SLC39A12: variants seen among roughly 807,000 people sequenced by gnomAD.
SLC39A12 encodes zinc transporter ZIP12.
Under a neutral mutation model 71.1 loss-of-function variants are expected in SLC39A12, and 63 were observed. The observed-to-expected ratio is 0.89, with a 90% CI of 0.72 to 1.09. The LOEUF is 1.09. Ranked by LOEUF, SLC39A12 falls within the 50% of genes least tolerant of loss-of-function variation. The probability of loss-of-function intolerance (pLI) is 0.00; values close to 1 mark genes in which losing one functional copy is unlikely to be tolerated. For missense variants in SLC39A12, 892 were observed against 812.6 expected, an observed-to-expected ratio of 1.10 and a Z score of -1.19; for synonymous variants, 351 against 301.3, an observed-to-expected ratio of 1.16 and a Z score of -1.71.
chr10:17,966,657 A>T (rs1409625814), intron 4 of SLC39A12, among the ~76,000 whole-genome samples: 1 of 151,988 alleles, frequency 6.6e-6, no homozygotes. Context: ...TAAAAAATTG[A>T]TAACGATTCC....
chr10:18,003,505 C>T (rs1239434212), intron 12 of SLC39A12, 147 bp downstream of exon 12: 6 of 646,074 alleles, frequency 9.3e-6, no homozygotes, highest in Non-Finnish European at 1.4e-5. Flanking sequence ...CTTTGTACTC[C>T]AAGAAAGTGC....
intron 12 of SLC39A12, among the ~76,000 whole-genome samples, chr10:18,035,224 A>G (rs546487356): frequency 2.5e-4 from 36 of 146,874 alleles, no homozygotes; most frequent in Non-Finnish European, 4.6e-4. Flanking sequence ...GTTCTCCTGG[A>G]TAATATCCTG....
In SLC39A12 at chr10:17,987,650, A is replaced by G. The variant is rs781022311; in HGVS notation, c.1268A>G (p.Gln423Arg). The change falls in exon 7 of 13, where the codon CAG becomes CGG. Residue 423 changes from glutamine to arginine, a missense_variant and splice_region_variant. By Grantham distance (43) the Gln-to-Arg change is conservative. Coordinates refer to ENST00000377369, the MANE Select transcript of SLC39A12 (RefSeq NM_001145195.2). ...SGDALLHLIPQVLGLHKQEAP... is the reference protein window; with the variant it reads ...SGDALLHLIPRVLGLHKQEAP... Reference sequence around the variant, plus strand: ...GACGCTCTGCTCCACCTTATCCCTCAGGTAATCTGGTCTTTTCCATTTCAG... The same window carrying G: ...GACGCTCTGCTCCACCTTATCCCTCGGGTAATCTGGTCTTTTCCATTTCAG... The G allele has an allele frequency of 4.3e-6, 7 of 1,613,968 alleles. No homozygotes were observed. The highest frequency in any genetic ancestry group is 1.6e-4 in the Middle Eastern group (1 of 6,082).
At chr10:18,030,048 T>A (rs1179914274) in intron 12 of SLC39A12, among the ~76,000 whole-genome samples, 1 of 150,704 alleles carries the variant, frequency 6.6e-6, no homozygotes, top group Admixed American at 6.6e-5. Context: ...CATATGTTCA[T>A]CCATAATCAT....
intron 10 of SLC39A12, 77 bp from the exon 11 acceptor site, chr10:18,000,590 G>T (rs1223621120): frequency 1.2e-5 from 17 of 1,373,904 alleles, no homozygotes; most frequent in Admixed American, 1.8e-5. Context: ...AGGTGGGAAG[G>T]TTGGTTGGTT....
At position 17,997,032 on chromosome 10, in the gene SLC39A12, A is replaced by AAAAG. The variant is rs1554852100; in HGVS notation, c.1600+1313_1600+1314insGAAA. Among the ~76,000 whole-genome samples, 8 of 151,608 alleles carry AAAAG rather than the reference A, an allele frequency of 5.3e-5. No individual in the cohort carries two copies. The South Asian group carries it at 8.3e-4, about 16-fold the overall frequency. On this transcript the variant is annotated intron_variant, in intron 10 of 12. Coordinates refer to ENST00000377369, the MANE Select transcript of SLC39A12 (RefSeq NM_001145195.2). ...AGTGAGACTCCGTCTCAAAAAAAAA[A>AAAAG]AAAAAGAAAAAGAAAAAAGAAAAAG...
intron 2 of SLC39A12, among the ~76,000 whole-genome samples, chr10:17,957,319 T>A (rs1834576324): frequency 6.6e-6 from 1 of 152,148 alleles, no homozygotes. Flanking sequence ...GGACAATTAC[T>A]ACCAAGTGTC....
intron 4 of SLC39A12, among the ~76,000 whole-genome samples, chr10:17,975,621 G>T (rs1279190446): frequency 1.3e-5 from 2 of 152,142 alleles, no homozygotes; most frequent in African/African-American, 4.8e-5. Context: ...GTAATGAGCT[G>T]TGCAGCCTGG....
intron 6 of SLC39A12, among the ~76,000 whole-genome samples, chr10:17,986,424 A>C (rs2130817374): frequency 6.6e-6 from 1 of 152,318 alleles, no homozygotes; most frequent in South Asian, 2.1e-4. Flanking sequence ...GGGAAGTCCA[A>C]GATCAAGGCA....
intron 7 of SLC39A12, among the ~76,000 whole-genome samples, chr10:17,988,419 T>C (rs74556753): frequency 6.6e-6 from 1 of 152,296 alleles, no homozygotes; most frequent in African/African-American, 2.4e-5. Context: ...ATGTGCCTGC[T>C]TCCCCTTCAC....
intron 12 of SLC39A12, among the ~76,000 whole-genome samples, chr10:18,035,920 G>T (rs1386010710): frequency 6.6e-6 from 1 of 152,190 alleles, no homozygotes; most frequent in Admixed American, 6.5e-5. Flanking sequence ...TGAGGTGTCA[G>T]TGTGCCCCTG....
intron 12 of SLC39A12, among the ~76,000 whole-genome samples, chr10:18,036,748 A>ATATG (rs1317577283): frequency 3.2e-3 from 28 of 8,760 alleles, no homozygotes; most frequent in African/African-American, 0.017. Context: ...TTTAAAAATT[A>ATATG]TATATATATA....
intron 2 of SLC39A12, among the ~76,000 whole-genome samples, chr10:17,957,027 AC>A (rs1834568590): frequency 3.3e-5 from 5 of 152,178 alleles, no homozygotes; most frequent in African/African-American, 4.8e-5. Context: ...AAAGAAAAAA[AC>A]ACCTTATAGA....
At chr10:18,022,165 A>G (rs1245583186) in intron 12 of SLC39A12, among the ~76,000 whole-genome samples, 1 of 151,998 alleles carries the variant, frequency 6.6e-6, no homozygotes, top group Non-Finnish European at 1.5e-5. Context: ...TTGAATGTCA[A>G]CCCCTGTAGT....
intron 4 of SLC39A12, among the ~76,000 whole-genome samples, chr10:17,973,980 T>A (rs1835041649): frequency 6.6e-6 from 1 of 151,888 alleles, no homozygotes; most frequent in Admixed American, 6.6e-5. Context: ...TTCTTCCACT[T>A]GATCAGTTCT....
At chr10:17,965,972 A>G (rs1377823097) in intron 4 of SLC39A12, among the ~76,000 whole-genome samples, 1 of 152,222 alleles carries the variant, frequency 6.6e-6, no homozygotes, top group East Asian at 1.9e-4. Context: ...CATAAATACT[A>G]ACTGAATAGT....
At position 18,026,198 on chromosome 10, in the gene SLC39A12, G is replaced by C. The variant is rs143514600; in HGVS notation, c.1948-16507G>C. ...GTTTTTGACCAGTATCCTTTCCCTT[G>C]TCTCTGAAGAATTTTTAACATTTCT... is the stretch of plus-strand genomic sequence containing the variant. On this transcript the variant is annotated intron_variant, in intron 12 of 12. Coordinates refer to ENST00000377369, the MANE Select transcript of SLC39A12 (RefSeq NM_001145195.2). Among the ~76,000 whole-genome samples the C allele has an allele frequency of 9.8e-3, 1,484 of 152,062 alleles. 18 individuals are homozygous for C. The highest frequency in any genetic ancestry group is 0.014 in the Middle Eastern group (4 of 294).
intron 9 of SLC39A12, among the ~76,000 whole-genome samples, chr10:17,993,535 T>A (rs1306685192): frequency 6.6e-6 from 1 of 152,236 alleles, no homozygotes; most frequent in East Asian, 1.9e-4. Flanking sequence ...CATGTATGGA[T>A]CAGACTGACA....
intron 2 of SLC39A12, among the ~76,000 whole-genome samples, chr10:17,958,094 A>C (rs965078032): frequency 1.3e-5 from 2 of 152,158 alleles, no homozygotes; most frequent in Admixed American, 1.3e-4. Context: ...ATGCCTACCC[A>C]CACGATTATA....
Sources: gnomAD v4.1 joint callset for allele counts (sites outside exome capture counted in the v4.1 genomes callset) on GRCh38, gnomAD v4.1.1 for gene constraint, MANE v1.5 for transcripts, NCBI Gene and HGNC (gene_info 2026-07-23, HGNC 2026-07-21) for gene names.